DISC1: variants seen among roughly 807,000 people sequenced by gnomAD.
The protein encoded by DISC1 is disrupted in schizophrenia 1 protein.
Under a neutral mutation model 84.5 loss-of-function variants are expected in DISC1, and 57 were observed. The observed-to-expected ratio is 0.67, with a 90% CI of 0.55 to 0.84. The LOEUF is 0.84. Ranked by LOEUF, DISC1 falls within the 40% of genes least tolerant of loss-of-function variation. The pLI, the probability that DISC1 is intolerant of heterozygous loss-of-function variation, is 0.00. For missense variants in DISC1, 1,000 were observed against 1,057.8 expected, an observed-to-expected ratio of 0.95 and a Z score of 0.76; for synonymous variants, 411 against 415.2, an observed-to-expected ratio of 0.99 and a Z score of 0.12.
chr1:231,988,353 C>T (rs1664745631), intron 10 of DISC1, among the ~76,000 whole-genome samples: 1 of 152,184 alleles, frequency 6.6e-6, no homozygotes, highest in Non-Finnish European at 1.5e-5. Flanking sequence ...TTCATAGGCA[C>T]GTTAATTATT....
intron 1 of DISC1, among the ~76,000 whole-genome samples, chr1:231,668,980 C>G (rs1295987897): frequency 1.3e-5 from 2 of 152,188 alleles, no homozygotes; most frequent in East Asian, 3.8e-4. Flanking sequence ...CCAGTTTCTT[C>G]ACATGTTCCT....
At chr1:231,849,866 G>A (rs2125895905) in intron 9 of DISC1, among the ~76,000 whole-genome samples, 1 of 152,276 alleles carries the variant, frequency 6.6e-6, no homozygotes. Flanking sequence ...ATTTTTAAGA[G>A]CAAGGACTGG....
At chr1:231,806,728 G>A (rs149676199) in intron 8 of DISC1, among the ~76,000 whole-genome samples, 25 of 152,358 alleles carry the variant, frequency 1.6e-4, no homozygotes, top group South Asian at 4.1e-4. Flanking sequence ...GGAAGTGAGA[G>A]CGAAGATCTC....
chr1:231,726,730 C>T (rs2070769770), intron 3 of DISC1, among the ~76,000 whole-genome samples: 1 of 152,204 alleles, frequency 6.6e-6, no homozygotes. Context: ...TAAGTGGCCA[C>T]ATGATCTGGT....
At position 232,036,694 on chromosome 1, in the gene DISC1, T is replaced by G; in HGVS notation, c.2428T>G (p.Ser810Ala). ...IHSHDEDLIQ[S>A]LRRELQMVKE... ...GTGCTCCTTAACAATGTGCCCACAG[T>G]CTCTCAGGAGGGAGCTCCAGATGGT... The change falls in exon 13 of 13, where the codon TCT becomes GCT. Residue 810 changes from serine to alanine, a missense_variant and splice_region_variant. By Grantham distance (99) the Ser-to-Ala change is moderately conservative. Coordinates refer to ENST00000439617, the MANE Select transcript of DISC1 (RefSeq NM_018662.3). The G allele has an allele frequency of 1.3e-6, 2 of 1,591,812 alleles. No homozygotes were observed. Among genetic ancestry groups the G allele is most frequent in the Non-Finnish European group, 1.7e-6 (2 of 1,162,948 alleles).
At chr1:231,932,168 T>C (rs1160979235) in intron 9 of DISC1, among the ~76,000 whole-genome samples, 1 of 152,172 alleles carries the variant, frequency 6.6e-6, no homozygotes, top group Non-Finnish European at 1.5e-5. Context: ...GAAGATGTAA[T>C]CTTGCAAAAT....
chr1:231,927,019 A>G (rs1449512986), intron 9 of DISC1, among the ~76,000 whole-genome samples: 1 of 152,340 alleles, frequency 6.6e-6, no homozygotes, highest in Non-Finnish European at 1.5e-5. Flanking sequence ...CGTGGCTTTC[A>G]CTGTGGTGAG....
chr1:231,867,216 T>C (rs1487754126), intron 9 of DISC1, among the ~76,000 whole-genome samples: 1 of 152,076 alleles, frequency 6.6e-6, no homozygotes, highest in African/African-American at 2.4e-5. Flanking sequence ...TTAAATCTGC[T>C]TTAAAAAAAT....
rs542278715 is a variant in DISC1 at position 231,795,377 on chromosome 1, T to C, written c.1689+81T>C. The C allele has an allele frequency of 4.6e-5, 59 of 1,282,142 alleles. No individual in the cohort carries two copies. In the African/African-American group the frequency reaches 8.3e-4, roughly 18 times the overall value. The allele number at this position is 1,282,142 out of a possible 1,614,324, so 79.4% of individuals were successfully genotyped here. A position where few individuals can be genotyped will look rare whatever the true frequency, so the allele number is the denominator to read the frequency against. On this transcript the variant is annotated intron_variant, in intron 7 of 12. Transcript: ENST00000439617. ...TTGATTTTACATCTAGATCTTAGGA[T>C]ACCTGGCTTCTGCAAAAAAAGATGT...
intron 1 of DISC1, among the ~76,000 whole-genome samples, chr1:231,628,780 C>T (rs1290825797): frequency 6.6e-6 from 1 of 152,176 alleles, no homozygotes; most frequent in African/African-American, 2.4e-5. Flanking sequence ...CTTGCTCTGT[C>T]ACCCAGGATG....
At chr1:231,690,603 C>A (rs562819506) in intron 1 of DISC1, among the ~76,000 whole-genome samples, 1 of 152,174 alleles carries the variant, frequency 6.6e-6, no homozygotes, top group African/African-American at 2.4e-5. Context: ...GATGGCACGA[C>A]TTGGATATGT....
In DISC1 at chr1:231,898,724, G is replaced by A. The variant is rs549309210; in HGVS notation, c.1982-60104G>A. Among the ~76,000 whole-genome samples, 14 of 152,222 alleles carry A rather than the reference G, an allele frequency of 9.2e-5. No homozygotes were observed. The South Asian group carries it at 1.9e-3, about 20-fold the overall frequency. On this transcript the variant is annotated intron_variant, in intron 9 of 12. Transcript: ENST00000439617. Reference sequence around the variant, plus strand: ...AGGCAGGTGGAACACTTGAGGCCAGGAGCTAGAGACCAGCCTGGCCAACAT... The same window carrying A: ...AGGCAGGTGGAACACTTGAGGCCAGAAGCTAGAGACCAGCCTGGCCAACAT...
chr1:231,884,340 G>A (rs12750145), intron 9 of DISC1, among the ~76,000 whole-genome samples: 32,570 of 152,048 alleles, frequency 0.21, 3,564 homozygotes, highest in Middle Eastern at 0.3. Flanking sequence ...AAGCGAGAAC[G>A]TGCAGTATTT....
intron 2 of DISC1, among the ~76,000 whole-genome samples, chr1:231,695,383 G>T (rs2065527684): frequency 6.6e-6 from 1 of 152,156 alleles, no homozygotes; most frequent in African/African-American, 2.4e-5. Context: ...TAGCTGCTTT[G>T]GAAATAAGTA....
At chr1:231,869,878 C>T (rs2085333270) in intron 9 of DISC1, among the ~76,000 whole-genome samples, 1 of 152,088 alleles carries the variant, frequency 6.6e-6, no homozygotes, top group African/African-American at 2.4e-5. Context: ...TTGCCTTATT[C>T]AGCAGTCATA....
intron 9 of DISC1, among the ~76,000 whole-genome samples, chr1:231,946,899 G>C (rs1313474550): frequency 6.6e-6 from 1 of 152,062 alleles, no homozygotes; most frequent in Non-Finnish European, 1.5e-5. Context: ...CAACTTACAA[G>C]GGTTGTGAAG....
chr1:231,735,868 A>T (rs773519350), intron 3 of DISC1, among the ~76,000 whole-genome samples: 5 of 152,126 alleles, frequency 3.3e-5, no homozygotes, highest in Admixed American at 6.6e-5. Context: ...GCTGGAGTGC[A>T]GTGATGTGAT....
rs537258464 is a variant in DISC1 at position 231,639,420 on chromosome 1, A to G, written c.67+12486A>G. 3.3e-5 allele frequency among the ~76,000 whole-genome samples: 5 copies of G among 152,326 alleles called. No homozygotes were observed. In the South Asian group the frequency reaches 1.0e-3, roughly 32 times the overall value. On this transcript the variant is annotated intron_variant, in intron 1 of 12. Coordinates refer to ENST00000439617, the MANE Select transcript of DISC1 (RefSeq NM_018662.3). The stretch of plus-strand genomic sequence containing the variant: ...GGTGCTCCCAACACCTCCTGCGTTC[A>G]TCATTTATCATGAAGTATGGTGCAT...
intron 10 of DISC1, among the ~76,000 whole-genome samples, chr1:231,980,698 TA>T (rs113832996): frequency 3.4e-4 from 52 of 152,062 alleles, no homozygotes; most frequent in African/African-American, 1.1e-3. Flanking sequence ...AACTTTTTGT[TA>T]TATGATAGTT....
Sources: gnomAD v4.1 joint callset for allele counts (sites outside exome capture counted in the v4.1 genomes callset) on GRCh38, gnomAD v4.1.1 for gene constraint, MANE v1.5 for transcripts, NCBI Gene and HGNC (gene_info 2026-07-23, HGNC 2026-07-21) for gene names.